UBXN2A: variants seen among roughly 807,000 people sequenced by gnomAD.
UBXN2A encodes the protein UBX domain-containing protein 2A.
In UBXN2A, 28 loss-of-function variants were observed where a neutral mutation model predicts 28.4. The ratio of observed to expected loss-of-function variants is 0.99; its 90% CI spans 0.73 to 1.35. The LOEUF is 1.35. Among genes scored for constraint, UBXN2A ranks in the 40% most tolerant of loss-of-function variants. The pLI, the probability that UBXN2A is intolerant of heterozygous loss-of-function variation, is 0.00. For synonymous variants in UBXN2A, 97 were observed against 103.6 expected (o/e 0.94, Z 0.39); for missense variants, 253 against 297.9 (o/e 0.85, Z 1.11).
chr2:23,947,008 A>G (rs1706119654), intron 1 of UBXN2A, among the ~76,000 whole-genome samples: 1 of 151,166 alleles, frequency 6.6e-6, no homozygotes, highest in African/African-American at 2.4e-5. Flanking sequence ...CTGCCTCAGC[A>G]TCCTGACTAG....
chr2:23,939,010 CAGG>C (rs1397944226), upstream of UBXN2A, among the ~76,000 whole-genome samples: 1 of 152,086 alleles, frequency 6.6e-6, no homozygotes, highest in Non-Finnish European at 1.5e-5. Flanking sequence ...AATCACTGAA[CAGG>C]AGATGAGGGA....
chr2:23,959,785 C>T (rs1485906989), intron 2 of UBXN2A, among the ~76,000 whole-genome samples: 2 of 152,166 alleles, frequency 1.3e-5, no homozygotes, highest in Admixed American at 1.3e-4. Context: ...TATTGTCTAC[C>T]AGGAAAGCTC....
At chr2:23,934,701 CAGAA>C (rs1349589006) in intron 1 of UBXN2A, among the ~76,000 whole-genome samples, 5 of 152,064 alleles carry the variant, frequency 3.3e-5, no homozygotes, top group Non-Finnish European at 5.9e-5. Context: ...AAAGTCAACA[CAGAA>C]AGAAATTAGA....
At chr2:23,976,203 A>G (rs887730151) in intron 3 of UBXN2A, among the ~76,000 whole-genome samples, 1 of 152,204 alleles carries the variant, frequency 6.6e-6, no homozygotes, top group Non-Finnish European at 1.5e-5. Flanking sequence ...ACTGTACAGC[A>G]TAAGCGGGAG....
In UBXN2A at chr2:23,999,922, T is replaced by G; in HGVS notation, c.*55T>G. On this transcript the variant is annotated 3_prime_UTR_variant, in exon 7 of 7. Coordinates refer to ENST00000309033, the MANE Select transcript of UBXN2A (RefSeq NM_181713.4). ...GAGAAATGATGGTTGTAAGTGGACA[T>G]GCAAACCAAAATTGGGGATTGGAGA... 1 of 1,569,912 alleles carries G rather than the reference T, an allele frequency of 6.4e-7. No homozygotes were observed. The highest frequency in any genetic ancestry group is 8.7e-7 in the Non-Finnish European group (1 of 1,155,046).
At chr2:23,988,289 T>A (rs1196766878) in intron 6 of UBXN2A, among the ~76,000 whole-genome samples, 1 of 152,182 alleles carries the variant, frequency 6.6e-6, no homozygotes, top group Non-Finnish European at 1.5e-5. Context: ...AACTTAACCT[T>A]AATACGCTTG....
Position 23,984,818 on chromosome 2 carries a change from A to G in UBXN2A, c.571A>G (p.Asn191Asp). ...ANGKRIVQKF[N>D]ITHRVSHIKD... The stretch of plus-strand genomic sequence containing the variant: ...TGGAAAAAGGATTGTCCAGAAATTT[A>G]ACATTACTCATAGGTGAGTCTTCAA... Residue 191 changes from asparagine (N) to aspartate (D), a missense_variant, in exon 6 of 7, where the codon AAC becomes GAC. Physicochemically the swap from Asn to Asp is conservative, Grantham distance 23. Coordinates refer to ENST00000309033, the MANE Select transcript of UBXN2A (RefSeq NM_181713.4). 5 of 1,551,182 alleles carry G rather than the reference A, an allele frequency of 3.2e-6. No individual in the cohort carries two copies. The highest frequency in any genetic ancestry group is 4.3e-6 in the Non-Finnish European group (5 of 1,161,032).
intron 1 of UBXN2A, among the ~76,000 whole-genome samples, chr2:23,931,268 G>A (rs1290749032): frequency 4.6e-5 from 7 of 152,060 alleles, no homozygotes; most frequent in African/African-American, 1.5e-4. Flanking sequence ...CCAACATGAC[G>A]AAACCCCATC....
intron 2 of UBXN2A, among the ~76,000 whole-genome samples, chr2:23,960,211 G>A (rs1368276127): frequency 1.3e-5 from 2 of 151,944 alleles, no homozygotes; most frequent in African/African-American, 2.4e-5. Flanking sequence ...AGTCGAGATC[G>A]CGCCACTGCA....
intron 2 of UBXN2A, among the ~76,000 whole-genome samples, chr2:23,967,264 A>C (rs777104553): frequency 1.3e-5 from 2 of 152,212 alleles, no homozygotes; most frequent in Non-Finnish European, 2.9e-5. Flanking sequence ...GATGAAGTTT[A>C]ATAGAATTTA....
At chr2:23,947,315 CT>C (rs1706135601) in intron 1 of UBXN2A, among the ~76,000 whole-genome samples, 3 of 152,138 alleles carry the variant, frequency 2.0e-5, no homozygotes, top group Admixed American at 1.3e-4. Context: ...CATCACTGCA[CT>C]TTTTGGGATA....
chr2:23,940,963 G>C (rs1416353336), intron 1 of UBXN2A, among the ~76,000 whole-genome samples: 1 of 152,116 alleles, frequency 6.6e-6, no homozygotes, highest in Non-Finnish European at 1.5e-5. Flanking sequence ...TTACAGTTAT[G>C]CGCAACACAA....
intron 6 of UBXN2A, among the ~76,000 whole-genome samples, chr2:23,987,594 C>T (rs766711820): frequency 1.1e-4 from 17 of 151,286 alleles, no homozygotes; most frequent in Admixed American, 2.6e-4. Flanking sequence ...CTGGCAAGCA[C>T]GGTGAAACCC....
At chr2:23,962,681 T>G (rs1223106851) in intron 2 of UBXN2A, among the ~76,000 whole-genome samples, 1 of 150,732 alleles carries the variant, frequency 6.6e-6, no homozygotes, top group East Asian at 2.0e-4. Flanking sequence ...TCTCGGCTCA[T>G]GGCAGCCTCA....
intron 1 of UBXN2A, among the ~76,000 whole-genome samples, chr2:23,934,272 A>T (rs976287028): frequency 7.9e-5 from 12 of 152,240 alleles, no homozygotes; most frequent in Admixed American, 6.5e-4. Flanking sequence ...ATTACTAGCC[A>T]CATGTAGTTA....
intron 6 of UBXN2A, among the ~76,000 whole-genome samples, chr2:23,986,974 T>G (rs1417044441): frequency 6.6e-6 from 1 of 151,882 alleles, no homozygotes; most frequent in East Asian, 1.9e-4. Flanking sequence ...TTTGGGAGGC[T>G]GGGGACTATT....
Position 23,999,811 on chromosome 2 carries a change from G to A in UBXN2A, c.724G>A (p.Val242Ile). ...TLEEADLQNA[V>I]IIQRLQKTAS... ...GGAAGAAGCAGATTTACAGAATGCT[G>A]TCATCATTCAGAGACTCCAAAAAAC... Residue 242 changes from valine (V) to isoleucine (I), a missense_variant, in exon 7 of 7, where the codon GTC (valine) becomes ATC (isoleucine). Coordinates refer to ENST00000309033, the MANE Select transcript of UBXN2A (RefSeq NM_181713.4). 6.2e-7 allele frequency: 1 copy of A among 1,614,144 alleles called. No homozygotes were observed. Among genetic ancestry groups the A allele is most frequent in the Non-Finnish European group, 8.5e-7 (1 of 1,180,026 alleles).
At chr2:23,992,506 A>T (rs1708390718) in intron 6 of UBXN2A, among the ~76,000 whole-genome samples, 1 of 152,314 alleles carries the variant, frequency 6.6e-6, no homozygotes, top group African/African-American at 2.4e-5. Flanking sequence ...CTCTGGGTAT[A>T]CGAACAATAC....
At chr2:23,943,337 C>G (rs771757825) in intron 1 of UBXN2A, among the ~76,000 whole-genome samples, 1 of 152,044 alleles carries the variant, frequency 6.6e-6, no homozygotes, top group Non-Finnish European at 1.5e-5. Context: ...AGGAGACCAC[C>G]TAGAGTTGAT....
Sources: gnomAD v4.1 joint callset for allele counts (sites outside exome capture counted in the v4.1 genomes callset) on GRCh38, gnomAD v4.1.1 for gene constraint, MANE v1.5 for transcripts, NCBI Gene and HGNC (gene_info 2026-07-23, HGNC 2026-07-21) for gene names.